Variants in WIF1 observed in about 807,000 individuals in gnomAD.
WIF1 encodes the protein Wnt inhibitory factor 1.
In WIF1, 35 loss-of-function variants were observed where a neutral mutation model predicts 53.5. The observed-to-expected ratio is 0.65, with a 90% CI of 0.50 to 0.87. The LOEUF (loss-of-function observed/expected upper bound fraction) is 0.87, where lower values mean the gene tolerates loss of function less well. Ranked by LOEUF, WIF1 falls within the 40% of genes least tolerant of loss-of-function variation. The probability of loss-of-function intolerance (pLI) is 0.00; values close to 1 mark genes in which losing one functional copy is unlikely to be tolerated. For synonymous variants in WIF1, 171 were observed against 170.4 expected (o/e 1.00, Z -0.03); for missense variants, 467 against 476.8 (o/e 0.98, Z 0.19).
At chr12:65,058,370 G>A (rs1364221656) in intron 7 of WIF1, among the ~76,000 whole-genome samples, 3 of 152,184 alleles carry the variant, frequency 2.0e-5, no homozygotes, top group Non-Finnish European at 4.4e-5. Flanking sequence ...CCTCCTCTAT[G>A]AGGGGTGAAG....
rs117491481 is a variant in WIF1, at chr12:65,114,669, G to A, written c.288+5748C>T. Reference sequence around the variant, plus strand: ...TGTTGGAAAATGTTTCACTTGATACGCTCTCTCTTGAGCATATCTAATATT... The same window carrying A: ...TGTTGGAAAATGTTTCACTTGATACACTCTCTCTTGAGCATATCTAATATT... On this transcript the variant is annotated intron_variant, in intron 2 of 9. Coordinates refer to ENST00000286574, the MANE Select transcript of WIF1 (RefSeq NM_007191.5). Among the ~76,000 whole-genome samples, 307 of 152,052 alleles carry A rather than the reference G, an allele frequency of 2.0e-3. 1 individual carries two copies. The highest frequency in any genetic ancestry group is 3.2e-3 in the Non-Finnish European group (220 of 67,964).
intron 3 of WIF1, 130 bp from the exon 4 acceptor site, chr12:65,069,034 C>A (rs928009029): frequency 1.5e-5 from 14 of 951,930 alleles, no homozygotes; most frequent in Non-Finnish European, 2.0e-5. Context: ...CCTTGTATCT[C>A]CACTGGAGTA....
chr12:65,081,724 T>C (rs1240052469), intron 2 of WIF1, among the ~76,000 whole-genome samples: 7 of 152,168 alleles, frequency 4.6e-5, no homozygotes. Flanking sequence ...TTGCTGAAGA[T>C]GATAACTAAT....
At chr12:65,099,984 C>G (rs938187869) in intron 2 of WIF1, among the ~76,000 whole-genome samples, 1 of 151,898 alleles carries the variant, frequency 6.6e-6, no homozygotes, top group Non-Finnish European at 1.5e-5. Flanking sequence ...TTTTTTAAAG[C>G]ATTTCTATAA....
chr12:65,068,755 G>A lies in WIF1; in HGVS notation c.538+9C>T, dbSNP rs757540177. ...ACATGTCTTCTCTTGAATCACCATCGGTGCTTACCTTGTTGACATGTTTTA... is the reference window on the plus strand; with the variant it reads ...ACATGTCTTCTCTTGAATCACCATCAGTGCTTACCTTGTTGACATGTTTTA... On this transcript the variant is annotated intron_variant, in intron 4 of 9. Transcript: ENST00000286574. 7.5e-6 allele frequency: 12 copies of A among 1,610,192 alleles called. No individual in the cohort carries two copies. Among genetic ancestry groups the A allele is most frequent in the East Asian group, 4.5e-5 (2 of 44,644 alleles).
Position 65,098,270 on chromosome 12 carries a change from C to T in WIF1, c.289-20416G>A, listed in dbSNP as rs1038085507. On this transcript the variant is annotated intron_variant, in intron 2 of 9. Transcript: ENST00000286574. ...TTTGAAAAATCTGTATCTGTAGTTCCTTTTGATGCTCTTGGAATGTCCATA... is the reference window on the plus strand; with the variant it reads ...TTTGAAAAATCTGTATCTGTAGTTCTTTTTGATGCTCTTGGAATGTCCATA... Among the ~76,000 whole-genome samples the T allele has an allele frequency of 1.1e-3, 174 of 151,992 alleles. 1 individual carries two copies. Among genetic ancestry groups the T allele is most frequent in the African/African-American group, 4.1e-3 (168 of 41,378 alleles).
Position 65,050,815 on chromosome 12 carries a change from ATT to A in WIF1, c.*532_*533del, listed in dbSNP as rs560723841. 3.8e-3 allele frequency: 694 copies of A among 182,262 alleles called. 7 individuals carry two copies. The highest frequency in any genetic ancestry group is 0.015 in the African/African-American group (632 of 42,166). 11.3% of individuals were successfully genotyped at this position (182,262 alleles called of 1,614,324 possible). On this transcript the variant is annotated 3_prime_UTR_variant, in exon 10 of 10. Coordinates refer to ENST00000286574, the MANE Select transcript of WIF1 (RefSeq NM_007191.5). ...GTTTAAATGCCACTACCACAGTGTA[ATT>A]TTTTTTTTTTTAATACTGAATCTCT...
intron 2 of WIF1, among the ~76,000 whole-genome samples, chr12:65,111,396 A>G (rs942882119): frequency 4.6e-5 from 7 of 152,114 alleles, no homozygotes; most frequent in Admixed American, 4.6e-4. Flanking sequence ...ATGATGGACA[A>G]AGCCCTCTAG....
In WIF1 at chr12:65,079,742, G is replaced by T. The variant is rs150646652; in HGVS notation, c.289-1888C>A. Among the ~76,000 whole-genome samples, 991 of 152,096 alleles carry T rather than the reference G, an allele frequency of 6.5e-3. 7 individuals are homozygous for T. The highest frequency in any genetic ancestry group is 0.01 in the Middle Eastern group (3 of 294). On this transcript the variant is annotated intron_variant, in intron 2 of 9. Coordinates refer to ENST00000286574, the MANE Select transcript of WIF1 (RefSeq NM_007191.5). ...CTAACATGAGAGTTAGGCAAGTTGA[G>T]TGGTTCTGCAGTTACCTGTAGAGAC... is the stretch of plus-strand genomic sequence containing the variant.
intron 2 of WIF1, among the ~76,000 whole-genome samples, chr12:65,096,249 TA>T (rs936035754): frequency 6.6e-6 from 1 of 152,086 alleles, no homozygotes. Flanking sequence ...ATATGGCTGA[TA>T]AATATATAAA....
intron 2 of WIF1, among the ~76,000 whole-genome samples, chr12:65,101,609 C>T (rs750528539): frequency 3.9e-5 from 6 of 152,082 alleles, no homozygotes; most frequent in African/African-American, 7.2e-5. Flanking sequence ...TTGTATTGTC[C>T]GTGCTATTTT....
chr12:65,111,573 T>A (rs1037088037), intron 2 of WIF1, among the ~76,000 whole-genome samples: 2 of 152,178 alleles, frequency 1.3e-5, no homozygotes, highest in Admixed American at 1.3e-4. Context: ...CTTGGCTAAC[T>A]CAATAGTGAG....
chr12:65,062,653 C>T (rs1882631666), intron 6 of WIF1, 77 bp from the exon 7 acceptor site: 1 of 1,353,436 alleles, frequency 7.4e-7, no homozygotes, highest in African/African-American at 1.5e-5. Context: ...AAGTGAGGTG[C>T]TATTTTTTAG....
At chr12:65,089,596 G>C (rs989717341) in intron 2 of WIF1, among the ~76,000 whole-genome samples, 23 of 151,988 alleles carry the variant, frequency 1.5e-4, no homozygotes, top group African/African-American at 4.6e-4. Flanking sequence ...CCCACATCCT[G>C]CCTCACAGGT....
At chr12:65,090,452 G>A (rs1442613741) in intron 2 of WIF1, among the ~76,000 whole-genome samples, 5 of 152,164 alleles carry the variant, frequency 3.3e-5, no homozygotes, top group Non-Finnish European at 5.9e-5. Context: ...GGAGCTTGCA[G>A]GCTGGAAGGG....
At chr12:65,096,178 A>G (rs2136632653) in intron 2 of WIF1, among the ~76,000 whole-genome samples, 2 of 152,322 alleles carry the variant, frequency 1.3e-5, no homozygotes, top group African/African-American at 4.8e-5. Context: ...ACAAGAAACA[A>G]ACAACCCCAT....
chr12:65,068,243 T>G (rs2136615644), intron 4 of WIF1, among the ~76,000 whole-genome samples: 1 of 152,190 alleles, frequency 6.6e-6, no homozygotes, highest in African/African-American at 2.4e-5. Flanking sequence ...TATAGTTAAA[T>G]GGGCATCTGG....
At chr12:65,072,918 A>G (rs1301653158) in intron 3 of WIF1, among the ~76,000 whole-genome samples, 8 of 152,230 alleles carry the variant, frequency 5.3e-5, no homozygotes, top group Admixed American at 5.2e-4. Context: ...AAAACAACTC[A>G]GAAAAACTAA....
chr12:65,052,334 T>C (rs1415146995), intron 9 of WIF1, among the ~76,000 whole-genome samples: 1 of 152,200 alleles, frequency 6.6e-6, no homozygotes, highest in Non-Finnish European at 1.5e-5. Flanking sequence ...GAATTGTCAG[T>C]ATGTAGTCTA....
Sources: allele counts gnomAD v4.1 joint callset (sites outside exome capture counted in the v4.1 genomes callset), GRCh38; gene constraint gnomAD v4.1.1; transcripts MANE v1.5; gene names NCBI Gene and HGNC (gene_info 2026-07-23, HGNC 2026-07-21).